LFNG: variants seen among roughly 807,000 people sequenced by gnomAD.
The protein encoded by LFNG is LFNG O-fucosylpeptide 3-beta-N-acetylglucosaminyltransferase.
LFNG carries 15 observed loss-of-function variants against 32.7 expected under a neutral mutation model. That is an observed-to-expected ratio of 0.46 (90% CI 0.31 to 0.71). The LOEUF (loss-of-function observed/expected upper bound fraction) is 0.71, where lower values mean the gene tolerates loss of function less well. Among genes scored for constraint, LFNG ranks in the 30% least tolerant of loss-of-function variants. LFNG has a pLI of 0.06. For missense variants in LFNG, 520 were observed against 545.7 expected, an observed-to-expected ratio of 0.95 and a Z score of 0.47; for synonymous variants, 274 against 246.8, an observed-to-expected ratio of 1.11 and a Z score of -1.03.
At chr7:2,528,570 T>G (rs1780068246), downstream of LFNG, 1 of 399,160 alleles carries the variant, frequency 2.5e-6, no homozygotes, top group Non-Finnish European at 3.8e-6. Context: ...TAGAGACAAC[T>G]ATTTTGGAAC....
At chr7:2,517,793 CGG>C (rs1562550113), upstream of LFNG, 1 of 1,052,436 alleles carries the variant, frequency 9.5e-7, no homozygotes, top group African/African-American at 1.6e-5. Context: ...CCTCAAGAAA[CGG>C]GGCTGGGACT....
chr7:2,525,616 C>T, intron 4 of LFNG, 49 bp downstream of exon 4: 2 of 1,611,908 alleles, frequency 1.2e-6, no homozygotes, highest in Non-Finnish European at 1.7e-6. Context: ...GAGCGCACAC[C>T]CGGAGTGGGG....
At chr7:2,518,005 A>T, upstream of LFNG, 1 of 801,084 alleles carries the variant, frequency 1.2e-6, no homozygotes, top group South Asian at 2.3e-5. Context: ...GGAAGAGATG[A>T]TGGGGATGGA....
chr7:2,520,334 G>C lies in LFNG; in HGVS notation c.432+41G>C. The C allele has an allele frequency of 6.4e-7, 1 of 1,572,980 alleles. No individual in the cohort carries two copies. The highest frequency in any genetic ancestry group is 8.7e-7 in the Non-Finnish European group (1 of 1,149,916). On this transcript the variant is annotated intron_variant, in intron 1 of 7. Coordinates refer to ENST00000222725, the MANE Select transcript of LFNG (RefSeq NM_001040167.2). The surrounding 1 kb of genome is among the most constrained non-coding windows in gnomAD (Gnocchi z 5.0). The stretch of plus-strand genomic sequence containing the variant: ...CCTGGACTGGCGGGCGAGCGGGGCG[G>C]GGACCCACCATCTGGTCCAGCTGGT...
At chr7:2,512,923 C>T (rs1779526891), upstream of LFNG, among the ~76,000 whole-genome samples, 1 of 152,002 alleles carries the variant, frequency 6.6e-6, no homozygotes, top group Non-Finnish European at 1.5e-5. Flanking sequence ...GCCCAACTTC[C>T]ACCTCCACCT....
upstream of LFNG, among the ~76,000 whole-genome samples, chr7:2,516,132 A>G (rs1562549368): frequency 6.6e-6 from 1 of 152,220 alleles, no homozygotes; most frequent in Non-Finnish European, 1.5e-5. Context: ...CGTCTGTGTC[A>G]GGAGAGGACA....
At position 2,526,480 on chromosome 7, in the gene LFNG, G is replaced by C; in HGVS notation, c.987+71G>C. 1 of 1,531,216 alleles carries C rather than the reference G, an allele frequency of 6.5e-7. No individual in the cohort carries two copies. Among genetic ancestry groups the C allele is most frequent in the Non-Finnish European group, 8.9e-7 (1 of 1,121,100 alleles). 94.9% of individuals were successfully genotyped at this position (1,531,216 alleles called of 1,614,324 possible). ...GGGACGTGTGGCTGCCGAGAGGGGC[G>C]CAGTGGGGTGGGGCACTGTTCTAAA... On this transcript the variant is annotated intron_variant, in intron 6 of 7. Coordinates refer to ENST00000222725, the MANE Select transcript of LFNG (RefSeq NM_001040167.2). The surrounding 1 kb of genome is among the most constrained non-coding windows in gnomAD (Gnocchi z 6.9).
At chr7:2,513,595 A>G (rs1293112196), upstream of LFNG, among the ~76,000 whole-genome samples, 1 of 152,122 alleles carries the variant, frequency 6.6e-6, no homozygotes, top group African/African-American at 2.4e-5. Flanking sequence ...TCCCACTGAC[A>G]TGGGCACGGG....
chr7:2,524,724 G>C lies in LFNG; in HGVS notation c.462G>C (p.Glu154Asp). ...MTFIFTDGED[E>D]ALARHTGNVV... Reference sequence around the variant, plus strand: ...TCATCTTCACTGACGGGGAAGATGAGGCCCTGGCCAGGCACACGGGTGAGC... The same window carrying C: ...TCATCTTCACTGACGGGGAAGATGACGCCCTGGCCAGGCACACGGGTGAGC... Residue 154 changes from glutamate to aspartate, a missense_variant, in exon 2 of 8, where the codon GAG becomes GAC. Physicochemically the swap from Glu to Asp is conservative, Grantham distance 45. This residue lies in a region of LFNG where 360 missense variants were observed against 354.7 expected (regional missense o/e 1.01). Transcript: ENST00000222725. 1 of 1,590,770 alleles carries C rather than the reference G, an allele frequency of 6.3e-7. No homozygotes were observed. The highest frequency in any genetic ancestry group is 1.1e-5 in the South Asian group (1 of 87,444).
At chr7:2,529,040 C>T (rs1465396852), downstream of LFNG, 6 of 427,686 alleles carry the variant, frequency 1.4e-5, no homozygotes, top group East Asian at 3.6e-5. The surrounding 1 kb of genome is among the most constrained non-coding windows in gnomAD (Gnocchi z 4.2). Flanking sequence ...GCCCCGACCC[C>T]GCTCAGGGGT....
At chr7:2,515,537 G>A (rs1355892121), upstream of LFNG, among the ~76,000 whole-genome samples, 1 of 152,244 alleles carries the variant, frequency 6.6e-6, no homozygotes, top group Non-Finnish European at 1.5e-5. Flanking sequence ...CTCAGCCACT[G>A]AGGCCAAGTC....
At chr7:2,514,703 CA>C (rs1779570347), upstream of LFNG, among the ~76,000 whole-genome samples, 1 of 149,776 alleles carries the variant, frequency 6.7e-6, no homozygotes, top group Non-Finnish European at 1.5e-5. Flanking sequence ...TCCATACATC[CA>C]TCTATCCATC....
At position 2,521,461 on chromosome 7, in the gene LFNG, C is replaced by T. The variant is rs545944146; in HGVS notation, c.432+1168C>T. 6.6e-5 allele frequency among the ~76,000 whole-genome samples: 10 copies of T among 152,350 alleles called. No homozygotes were observed. The South Asian group carries it at 8.3e-4, about 13-fold the overall frequency. On this transcript the variant is annotated intron_variant, in intron 1 of 7. Coordinates refer to ENST00000222725, the MANE Select transcript of LFNG (RefSeq NM_001040167.2). ...CCCCTTTCTCCAGCGAGAAAGGCGT[C>T]GGGCCCCTTGTGTGCAGCTACGCGC...
chr7:2,522,280 C>T (rs1175689652), intron 1 of LFNG, among the ~76,000 whole-genome samples: 1 of 152,250 alleles, frequency 6.6e-6, no homozygotes, highest in Non-Finnish European at 1.5e-5. Flanking sequence ...AGAAAGGGCA[C>T]TCCATCCGGG....
Position 2,526,540 on chromosome 7 carries a change from G to GAGTGACCCCCCCT in LFNG, c.987+131_987+132insAGTGACCCCCCCT. ...CAGGCAGCACTCCACTGTCAGCCAG[G>GAGTGACCCCCCCT]GGGGGTCACTCCTGCCATGAGCTCA... On this transcript the variant is annotated intron_variant, in intron 6 of 7. Coordinates refer to ENST00000222725, the MANE Select transcript of LFNG (RefSeq NM_001040167.2). The surrounding 1 kb of genome is among the most constrained non-coding windows in gnomAD (Gnocchi z 6.9). 9.9e-7 allele frequency: 1 copy of GAGTGACCCCCCCT among 1,007,074 alleles called. No homozygotes were observed. Among genetic ancestry groups the GAGTGACCCCCCCT allele is most frequent in the Non-Finnish European group, 1.5e-6 (1 of 673,484 alleles). The allele number at this position is 1,007,074 out of a possible 1,614,324, so 62.4% of individuals were successfully genotyped here. A position where few individuals can be genotyped will look rare whatever the true frequency, so the allele number is the denominator to read the frequency against.
At position 2,520,083 on chromosome 7, in the gene LFNG, G is replaced by C; in HGVS notation, c.222G>C (p.Leu74=). The change falls in exon 1 of 8, where the codon CTG becomes CTC. Residue 74 remains leucine (L), a synonymous_variant. Coordinates refer to ENST00000222725, the MANE Select transcript of LFNG (RefSeq NM_001040167.2). This position sits in a 1 kb window ranked among gnomAD's most constrained non-coding sequence, Gnocchi z 5.0. Reference sequence around the variant, plus strand: ...CGCTGGTCCGCGACGTGCACAGTCTGTCCGAGTACTTCAGCCTGCTCACCC... The same window carrying C: ...CGCTGGTCCGCGACGTGCACAGTCTCTCCGAGTACTTCAGCCTGCTCACCC... The part of the protein sequence containing the change: ...PGALVRDVHS[L]SEYFSLLTRA... 11 of 1,313,472 alleles carry C rather than the reference G, an allele frequency of 8.4e-6. No individual in the cohort carries two copies. The highest frequency in any genetic ancestry group is 9.8e-6 in the Non-Finnish European group (10 of 1,021,906). 81.4% of individuals were successfully genotyped at this position (1,313,472 alleles called of 1,614,324 possible).
chr7:2,525,368 G>A (rs752387461), intron 3 of LFNG, 46 bp from the exon 4 acceptor site: 32 of 1,611,778 alleles, frequency 2.0e-5, no homozygotes, highest in Middle Eastern at 1.6e-4. Flanking sequence ...GCCTGGCAGC[G>A]CCCGCCCCGG....
chr7:2,521,840 G>A (rs761024377), intron 1 of LFNG, among the ~76,000 whole-genome samples: 9 of 152,210 alleles, frequency 5.9e-5, no homozygotes, highest in Non-Finnish European at 1.0e-4. Flanking sequence ...GGAGCACGTT[G>A]TAAGAGACTG....
upstream of LFNG, chr7:2,518,398 G>C (rs879271040): frequency 4.6e-6 from 3 of 656,606 alleles, no homozygotes; most frequent in African/African-American, 5.5e-5. Flanking sequence ...ACCACCCAGC[G>C]GGTACAGGGG....
Sources: gnomAD v4.1 joint callset for allele counts (sites outside exome capture counted in the v4.1 genomes callset) on GRCh38, gnomAD v4.1.1 for gene constraint, gnomAD v4.1.1 regional missense constraint, Gnocchi (gnomAD v3.1) non-coding constraint, MANE v1.5 for transcripts, NCBI Gene and HGNC (gene_info 2026-07-23, HGNC 2026-07-21) for gene names.